Variants in ZNF514 observed in about 807,000 individuals in gnomAD.
ZNF514 encodes zinc finger protein 514.
In ZNF514, 12 loss-of-function variants were observed where a neutral mutation model predicts 9.7. The observed-to-expected ratio is 1.24, with a 90% CI of 0.79 to 2.01. The LOEUF (loss-of-function observed/expected upper bound fraction) is 2.01. ZNF514 is among the 30% of genes most tolerant of loss of function. The pLI, the probability that ZNF514 is intolerant of heterozygous loss-of-function variation, is 0.00. For synonymous variants in ZNF514, 158 were observed against 163.7 expected (o/e 0.97, Z 0.27); for missense variants, 467 against 465.5 (o/e 1.00, Z -0.03).
chr2:95,130,020 C>T, the ZNF514 span, among the ~76,000 whole-genome samples: 5 of 152,040 alleles, frequency 3.3e-5, no homozygotes, highest in East Asian at 1.9e-4. Flanking sequence ...AGGAGGATAT[C>T]GGGGGACCTG....
intron 1 of ZNF514, chr2:95,158,730 T>C (rs1558704519): frequency 8.8e-6 from 9 of 1,021,348 alleles, no homozygotes; most frequent in Non-Finnish European, 1.0e-5. Context: ...CAATTTTCCA[T>C]GGCCATCCCC....
In ZNF514 at chr2:95,149,406, G is replaced by A. The variant is rs868792907; in HGVS notation, c.1079C>T (p.Thr360Ile). 6.2e-7 allele frequency: 1 copy of A among 1,612,458 alleles called. No homozygotes were observed. The highest frequency in any genetic ancestry group is 1.1e-5 in the South Asian group (1 of 90,960). ...TCCAGTGTGAAATCTGTAATGTTGA[G>A]TGAGAGATGAACTCTGGCTGAAGGC... ...GRAFSQSSSL[T>I]QHYRFHTGEK... is the part of the protein sequence containing the mutation. The change falls in exon 5 of 5, where the codon ACT becomes ATT. Residue 360 changes from threonine to isoleucine, a missense_variant. Thr to Ile is a moderately conservative substitution (Grantham distance 89). Coordinates refer to ENST00000295208, the MANE Select transcript of ZNF514 (RefSeq NM_032788.3).
At chr2:95,133,664 C>A in the ZNF514 span, among the ~76,000 whole-genome samples, 1 of 152,098 alleles carries the variant, frequency 6.6e-6, no homozygotes, top group Admixed American at 6.5e-5. Flanking sequence ...ATTTCCTAGG[C>A]AATACAGTAT....
chr2:95,132,867 CAAAA>C, the ZNF514 span, among the ~76,000 whole-genome samples: 1 of 66,670 alleles, frequency 1.5e-5, no homozygotes. Flanking sequence ...GACTCCATCT[CAAAA>C]AAAAAAAAAA....
chr2:95,134,716 C>T, the ZNF514 span, among the ~76,000 whole-genome samples: 26 of 152,282 alleles, frequency 1.7e-4, 1 homozygote, highest in African/African-American at 6.0e-4. Context: ...GAAATTTATC[C>T]GTTTTCTTCT....
chr2:95,159,040 A>AT (rs1316787824), intron 1 of ZNF514, 200 bp downstream of exon 1: 1 of 1,245,830 alleles, frequency 8.0e-7, no homozygotes, highest in African/African-American at 1.5e-5. Context: ...TCTTTCGGCC[A>AT]CAGCCCTGTG....
intron 4 of ZNF514, 30 bp from the exon 5 acceptor site, chr2:95,150,297 C>T: frequency 1.5e-6 from 2 of 1,311,270 alleles, no homozygotes; most frequent in Non-Finnish European, 2.1e-6. Flanking sequence ...AAAAAGAAGA[C>T]ATTCTAGTAT....
chr2:95,142,716 C>G (rs1673268901), downstream of ZNF514, among the ~76,000 whole-genome samples: 1 of 152,164 alleles, frequency 6.6e-6, no homozygotes, highest in Non-Finnish European at 1.5e-5. Flanking sequence ...ATGAGATCAC[C>G]CGTGATTCTT....
At position 95,159,786 on chromosome 2, in the gene ZNF514, C is replaced by CGCG. The variant is rs1673813829; in HGVS notation, c.-645_-643dup. On this transcript the variant is annotated 5_prime_UTR_variant, in exon 1 of 5. Transcript: ENST00000295208. ...CGAGGCCGTCCCGAGCTTGCGCAGA[C>CGCG]GCGGCCGCCGCCGGGGCCCTTCAGA... Among the ~76,000 whole-genome samples the CGCG allele has an allele frequency of 6.6e-6, 1 of 150,748 alleles. No homozygotes were observed. Among genetic ancestry groups the CGCG allele is most frequent in the African/African-American group, 2.4e-5 (1 of 41,278 alleles).
intron 2 of ZNF514, 54 bp downstream of exon 2, chr2:95,157,297 G>A: frequency 8.5e-7 from 1 of 1,178,396 alleles, no homozygotes; most frequent in Non-Finnish European, 1.1e-6. Context: ...GTGAAAAGTA[G>A]GCAAAGCTAA....
the ZNF514 span, among the ~76,000 whole-genome samples, chr2:95,138,709 G>A: frequency 6.6e-6 from 1 of 152,204 alleles, no homozygotes; most frequent in African/African-American, 2.4e-5. Context: ...CTGACCTTGT[G>A]GCAGAGAAAG....
At chr2:95,124,850 T>C in the ZNF514 span, among the ~76,000 whole-genome samples, 1 of 151,774 alleles carries the variant, frequency 6.6e-6, no homozygotes, top group Non-Finnish European at 1.5e-5. Context: ...TCAACATTCA[T>C]GTATGTGATT....
downstream of ZNF514, among the ~76,000 whole-genome samples, chr2:95,141,430 G>C (rs1357221595): frequency 6.6e-6 from 1 of 152,064 alleles, no homozygotes; most frequent in African/African-American, 2.4e-5. Context: ...CCCTGGGGAC[G>C]TATCAGTTCT....
the ZNF514 span, among the ~76,000 whole-genome samples, chr2:95,137,743 C>T: frequency 2.0e-5 from 3 of 152,154 alleles, no homozygotes; most frequent in Non-Finnish European, 4.4e-5. Flanking sequence ...AGTTTCCAAC[C>T]TGGAACATCC....
In ZNF514 at chr2:95,148,427, T is replaced by C. The variant is rs796480133; in HGVS notation, c.*855A>G. ...CAGCTTCTTTTCAGCTCTAGTTTTATACATCTCAAGTTGGAAAGGAACTTT... is the reference window on the plus strand; with the variant it reads ...CAGCTTCTTTTCAGCTCTAGTTTTACACATCTCAAGTTGGAAAGGAACTTT... On this transcript the variant is annotated 3_prime_UTR_variant, in exon 5 of 5. Transcript: ENST00000295208. The C allele has an allele frequency of 6.2e-4, 95 of 152,362 alleles. No homozygotes were observed. Among genetic ancestry groups the C allele is most frequent in the African/African-American group, 2.2e-3 (91 of 41,582 alleles). The allele number at this position is 152,362 out of a possible 1,614,324, so 9.4% of individuals were successfully genotyped here. A position where few individuals can be genotyped will look rare whatever the true frequency, so the allele number is the denominator to read the frequency against.
chr2:95,127,027 G>A, the ZNF514 span, among the ~76,000 whole-genome samples: 5 of 152,128 alleles, frequency 3.3e-5, no homozygotes, highest in East Asian at 5.8e-4. Flanking sequence ...GTGACATTTC[G>A]GGTCTCCAGG....
chr2:95,124,234 C>T, the ZNF514 span, among the ~76,000 whole-genome samples: 1 of 152,146 alleles, frequency 6.6e-6, no homozygotes, highest in Admixed American at 6.5e-5. Flanking sequence ...TAACCTTTGG[C>T]AACCACTAAT....
chr2:95,131,861 G>C, the ZNF514 span, among the ~76,000 whole-genome samples: 1 of 152,028 alleles, frequency 6.6e-6, no homozygotes, highest in Non-Finnish European at 1.5e-5. Flanking sequence ...GAATGAAATG[G>C]GCCAGGTGCC....
At chr2:95,133,501 C>T in the ZNF514 span, among the ~76,000 whole-genome samples, 1 of 152,146 alleles carries the variant, frequency 6.6e-6, no homozygotes, top group Admixed American at 6.5e-5. Context: ...TATTCAAGGG[C>T]AACATGAATC....
Sources: gnomAD v4.1 joint callset for allele counts (sites outside exome capture counted in the v4.1 genomes callset) on GRCh38, gnomAD v4.1.1 for gene constraint, MANE v1.5 for transcripts, NCBI Gene and HGNC (gene_info 2026-07-23, HGNC 2026-07-21) for gene names.